EHHADH: variants seen among roughly 807,000 people sequenced by gnomAD.
The protein encoded by EHHADH is enoyl-CoA hydratase and 3-hydroxyacyl CoA dehydrogenase, also known as peroxisomal bifunctional enzyme.
Under a neutral mutation model 64.4 loss-of-function variants are expected in EHHADH, and 48 were observed. The observed-to-expected ratio is 0.75, with a 90% confidence interval of 0.59 to 0.95. The LOEUF is 0.95. Ranked by LOEUF, EHHADH falls within the 40% of genes least tolerant of loss-of-function variation. EHHADH has a pLI of 0.00. For synonymous variants in EHHADH, 308 were observed against 326.7 expected (o/e 0.94, Z 0.62); for missense variants, 854 against 876.6 (o/e 0.97, Z 0.33).
Position 185,192,443 on chromosome 3 carries a change from T to G in EHHADH, c.1955A>C (p.His652Pro). ...SPEHIDVVYL[H>P]GYGWPRHKGG... ...CTTGTGCCTTGGCCATCCATATCCA[T>G]GTAAATAGACAACATCAATGTGCTC... The change falls in exon 7 of 7, where the codon CAT becomes CCT. Residue 652 changes from histidine (H) to proline (P), a missense_variant. Coordinates refer to ENST00000231887, the MANE Select transcript of EHHADH (RefSeq NM_001966.4). 6.2e-7 allele frequency: 1 copy of G among 1,614,216 alleles called. No homozygotes were observed. The highest frequency in any genetic ancestry group is 1.6e-4 in the Middle Eastern group (1 of 6,062).
At chr3:185,252,032 T>A (rs771817277) in intron 1 of EHHADH, among the ~76,000 whole-genome samples, 1 of 152,162 alleles carries the variant, frequency 6.6e-6, no homozygotes, top group Non-Finnish European at 1.5e-5. Flanking sequence ...ACATTTCTCC[T>A]GCAAAGAGGA....
intron 2 of EHHADH, among the ~76,000 whole-genome samples, chr3:185,243,906 T>A (rs1719521600): frequency 6.6e-6 from 1 of 152,236 alleles, no homozygotes; most frequent in Non-Finnish European, 1.5e-5. Flanking sequence ...GTTTCTTTGT[T>A]GATTTTCTGC....
At chr3:185,219,211 T>C (rs1190696444) in intron 4 of EHHADH, among the ~76,000 whole-genome samples, 1 of 152,218 alleles carries the variant, frequency 6.6e-6, no homozygotes, top group Non-Finnish European at 1.5e-5. Context: ...TCCCTTAGTT[T>C]GTGGAATTGC....
intron 1 of EHHADH, among the ~76,000 whole-genome samples, chr3:185,252,846 T>C (rs1719786090): frequency 6.6e-6 from 1 of 152,202 alleles, no homozygotes; most frequent in Non-Finnish European, 1.5e-5. Context: ...TTTCTCTCTA[T>C]GCTTTATATA....
At chr3:185,240,393 GGT>G in intron 2 of EHHADH, among the ~76,000 whole-genome samples, 1 of 85,672 alleles carries the variant, frequency 1.2e-5, no homozygotes, top group South Asian at 3.4e-4. Flanking sequence ...GAATCTATCT[GGT>G]CTTGGGTTTT....
At chr3:185,218,367 AG>A in intron 4 of EHHADH, 127 bp from the exon 5 acceptor site, 1 of 533,848 alleles carries the variant, frequency 1.9e-6, no homozygotes, top group Non-Finnish European at 3.1e-6. Flanking sequence ...GAATAAAATA[AG>A]TAAGAACCAC....
intron 2 of EHHADH, among the ~76,000 whole-genome samples, chr3:185,247,575 C>A (rs1276810397): frequency 6.6e-6 from 1 of 151,962 alleles, no homozygotes; most frequent in Non-Finnish European, 1.5e-5. Context: ...AAATAACCTA[C>A]ATGGTACTGG....
In EHHADH at chr3:185,190,656, C is replaced by T. The variant is rs1717836907; in HGVS notation, c.*1570G>A. ...TTTCAGGAATCATTTTTATTGATGT[C>T]TTTAATTTCACAAACCAAATTATAT... On this transcript the variant is annotated 3_prime_UTR_variant, in exon 7 of 7. Coordinates refer to ENST00000231887, the MANE Select transcript of EHHADH (RefSeq NM_001966.4). 2 of 152,050 alleles carry T rather than the reference C, an allele frequency of 1.3e-5. No homozygotes were observed. The highest frequency in any genetic ancestry group is 4.8e-5 in the African/African-American group (2 of 41,408). The allele number at this position is 152,050 out of a possible 1,614,324, so 9.4% of individuals were successfully genotyped here. A position where few individuals can be genotyped will look rare whatever the true frequency, so the allele number is the denominator to read the frequency against.
chr3:185,220,386 A>G (rs536848421), intron 4 of EHHADH, among the ~76,000 whole-genome samples: 2 of 152,322 alleles, frequency 1.3e-5, no homozygotes, highest in South Asian at 4.1e-4. Context: ...GTTTAGATAC[A>G]TAAATACTTT....
chr3:185,238,863 G>A (rs1719372851), intron 2 of EHHADH, among the ~76,000 whole-genome samples: 1 of 152,054 alleles, frequency 6.6e-6, no homozygotes, highest in African/African-American at 2.4e-5. Flanking sequence ...ATTTGCCTAG[G>A]CCAACGTCCA....
rs1718144102 is a variant in EHHADH at position 185,198,818 on chromosome 3, C to G, written c.911-5331G>C. Among the ~76,000 whole-genome samples the G allele has an allele frequency of 2.6e-5, 4 of 151,708 alleles. No homozygotes were observed. The South Asian group carries it at 8.3e-4, about 32-fold the overall frequency. On this transcript the variant is annotated intron_variant, in intron 6 of 6. Coordinates refer to ENST00000231887, the MANE Select transcript of EHHADH (RefSeq NM_001966.4). The stretch of plus-strand genomic sequence containing the variant: ...TGAGCTAAGATTGTGCCACTGCACT[C>G]CAGCCTGGGCAACACAGCAAGACCC...
chr3:185,198,805 G>A (rs1483051063), intron 6 of EHHADH, among the ~76,000 whole-genome samples: 3 of 151,666 alleles, frequency 2.0e-5, no homozygotes, highest in Non-Finnish European at 4.4e-5. Context: ...AGCTAAGATT[G>A]TGCCACTGCA....
At chr3:185,211,241 G>A (rs565034768) in intron 5 of EHHADH, among the ~76,000 whole-genome samples, 4 of 152,196 alleles carry the variant, frequency 2.6e-5, no homozygotes, top group Non-Finnish European at 5.9e-5. Flanking sequence ...TACAATAAGA[G>A]AGGCAAGTGT....
At chr3:185,195,404 C>A (rs1718031546) in intron 6 of EHHADH, among the ~76,000 whole-genome samples, 1 of 152,110 alleles carries the variant, frequency 6.6e-6, no homozygotes, top group South Asian at 2.1e-4. Context: ...ACATTGCTGG[C>A]AAATTTTTTA....
intron 6 of EHHADH, among the ~76,000 whole-genome samples, chr3:185,198,462 C>A (rs577069708): frequency 9.4e-4 from 143 of 151,492 alleles, no homozygotes; most frequent in African/African-American, 3.0e-3. Flanking sequence ...CTCAGGTGAT[C>A]CACCCACCTT....
Position 185,232,156 on chromosome 3 carries a change from T to C in EHHADH, c.352-2613A>G, listed in dbSNP as rs1468834777. On this transcript the variant is annotated intron_variant, in intron 3 of 6. Transcript: ENST00000231887. ...CTGCCATTTACCCAGATCGTGATTC[T>C]AGCAGTTCCAAAATACCTCACATAT... is the stretch of plus-strand genomic sequence containing the variant. Among the ~76,000 whole-genome samples the C allele has an allele frequency of 5.3e-5, 8 of 152,172 alleles. No individual in the cohort carries two copies. In the East Asian group the frequency reaches 1.5e-3, roughly 29 times the overall value.
chr3:185,223,673 C>G (rs1380400089), intron 4 of EHHADH, among the ~76,000 whole-genome samples: 1 of 152,118 alleles, frequency 6.6e-6, no homozygotes, highest in Non-Finnish European at 1.5e-5. Flanking sequence ...CTCTTTCCCC[C>G]CATAGTATTC....
At chr3:185,252,001 A>T (rs1719760900) in intron 1 of EHHADH, among the ~76,000 whole-genome samples, 1 of 152,174 alleles carries the variant, frequency 6.6e-6, no homozygotes. Context: ...TAAACTTCAC[A>T]ACTTTATGAG....
At chr3:185,240,915 T>C (rs1035125603) in intron 2 of EHHADH, among the ~76,000 whole-genome samples, 3 of 152,112 alleles carry the variant, frequency 2.0e-5, no homozygotes, top group Non-Finnish European at 4.4e-5. Flanking sequence ...ACCCAAGCAG[T>C]ATATACTGCA....
Sources: gnomAD v4.1 joint callset for allele counts (sites outside exome capture counted in the v4.1 genomes callset) on GRCh38, gnomAD v4.1.1 for gene constraint, MANE v1.5 for transcripts, NCBI Gene and HGNC (gene_info 2026-07-23, HGNC 2026-07-21) for gene names.